Variants in EXOC6B observed in about 807,000 individuals in gnomAD.
The protein encoded by EXOC6B is exocyst complex component 6B.
In EXOC6B, 54 loss-of-function variants were observed where a neutral mutation model predicts 113.5. The ratio of observed to expected loss-of-function variants is 0.48; its 90% CI spans 0.38 to 0.60. The LOEUF (loss-of-function observed/expected upper bound fraction) is 0.60, where lower values mean the gene tolerates loss of function less well. Among genes scored for constraint, EXOC6B ranks in the 20% least tolerant of loss-of-function variants. The pLI, the probability that EXOC6B is intolerant of heterozygous loss-of-function variation, is 0.00. For missense variants in EXOC6B, 797 were observed against 977.5 expected (o/e 0.82, Z 2.46); for synonymous variants, 357 against 339.0 (o/e 1.05, Z -0.58).
chr2:72,284,490 C>CA (rs1201794584), intron 20 of EXOC6B, among the ~76,000 whole-genome samples: 1 of 151,932 alleles, frequency 6.6e-6, no homozygotes, highest in Non-Finnish European at 1.5e-5. Context: ...AGAACATCTA[C>CA]AAAAAACCTA....
intron 18 of EXOC6B, among the ~76,000 whole-genome samples, chr2:72,386,069 A>T (rs1332140911): frequency 6.6e-6 from 1 of 152,168 alleles, no homozygotes; most frequent in Non-Finnish European, 1.5e-5. Flanking sequence ...TGCCATGGTC[A>T]TTGGAGCATT....
At chr2:72,661,020 C>G (rs1268817524) in intron 6 of EXOC6B, among the ~76,000 whole-genome samples, 1 of 152,102 alleles carries the variant, frequency 6.6e-6, no homozygotes, top group Admixed American at 6.5e-5. Flanking sequence ...GTAGCAATCT[C>G]TAGGCAAAAG....
At chr2:72,289,415 T>C (rs1409683802) in intron 20 of EXOC6B, among the ~76,000 whole-genome samples, 1 of 152,148 alleles carries the variant, frequency 6.6e-6, no homozygotes, top group Non-Finnish European at 1.5e-5. Flanking sequence ...CTTGAGATCC[T>C]CTAAGTGAAT....
chr2:72,554,684 T>G (rs184320738), intron 8 of EXOC6B, among the ~76,000 whole-genome samples: 1 of 152,304 alleles, frequency 6.6e-6, no homozygotes, highest in East Asian at 1.9e-4. Flanking sequence ...TTACCCAGTC[T>G]CAGGTAGTGT....
rs1199327663 is a variant in EXOC6B, at chr2:72,825,332, T to C, written c.113+466A>G. ...GGCCTAGGATTTCCAGGGACTCGTT[T>C]CTGAGAAGTGGCTGTGATTCTGAGG... On this transcript the variant is annotated intron_variant, in intron 1 of 21. Coordinates refer to ENST00000272427, the MANE Select transcript of EXOC6B (RefSeq NM_015189.3). This position sits in a 1 kb window ranked among gnomAD's most constrained non-coding sequence, Gnocchi z 4.4. 1.3e-5 allele frequency among the ~76,000 whole-genome samples: 2 copies of C among 152,120 alleles called. No homozygotes were observed. Among genetic ancestry groups the C allele is most frequent in the Non-Finnish European group, 1.5e-5 (1 of 68,030 alleles).
chr2:72,646,387 C>T (rs1673716926), intron 6 of EXOC6B, among the ~76,000 whole-genome samples: 1 of 151,836 alleles, frequency 6.6e-6, no homozygotes, highest in Non-Finnish European at 1.5e-5. Flanking sequence ...GGTACCATCT[C>T]CTCTTTCCTT....
chr2:72,503,934 G>T (rs1340291445), intron 11 of EXOC6B, among the ~76,000 whole-genome samples: 1 of 151,904 alleles, frequency 6.6e-6, no homozygotes, highest in East Asian at 1.9e-4. Context: ...TTGAGACAGG[G>T]TCTCACTCTG....
intron 6 of EXOC6B, among the ~76,000 whole-genome samples, chr2:72,643,301 G>T (rs1364730877): frequency 6.7e-6 from 1 of 148,904 alleles, no homozygotes; most frequent in Admixed American, 6.7e-5. Context: ...CTGCTATAAA[G>T]ACACATGCAC....
At chr2:72,249,081 T>A (rs1426368281) in intron 20 of EXOC6B, among the ~76,000 whole-genome samples, 2 of 151,912 alleles carry the variant, frequency 1.3e-5, no homozygotes, top group East Asian at 3.9e-4. Flanking sequence ...CTGGGCAACA[T>A]AGTGAGAGCG....
At chr2:72,558,777 A>C (rs1026547503) in intron 8 of EXOC6B, among the ~76,000 whole-genome samples, 4 of 151,296 alleles carry the variant, frequency 2.6e-5, no homozygotes, top group African/African-American at 9.7e-5. Flanking sequence ...CTCAAAAAGA[A>C]AAAAAAAAGA....
intron 6 of EXOC6B, among the ~76,000 whole-genome samples, chr2:72,712,072 C>T (rs1679307405): frequency 6.6e-6 from 1 of 152,106 alleles, no homozygotes. Flanking sequence ...AAATGATTGA[C>T]CTTGTACATT....
chr2:72,449,966 T>C (rs937811408), intron 18 of EXOC6B, among the ~76,000 whole-genome samples: 1 of 152,212 alleles, frequency 6.6e-6, no homozygotes, highest in Non-Finnish European at 1.5e-5. Flanking sequence ...AACTTCTACT[T>C]TGTAGAACAA....
rs751384828 is a variant in EXOC6B, at chr2:72,179,321, T to C, written c.*14A>G. 6.3e-7 allele frequency: 1 copy of C among 1,589,990 alleles called. No individual in the cohort carries two copies. Among genetic ancestry groups the C allele is most frequent in the South Asian group, 1.2e-5 (1 of 86,724 alleles). On this transcript the variant is annotated 3_prime_UTR_variant, in exon 22 of 22. Transcript: ENST00000272427. ...GGCTGCAGCAGGTCGCCTCTGTGGG[T>C]CCGGGGTCACCCTTCATGAGTGGTG...
intron 20 of EXOC6B, among the ~76,000 whole-genome samples, chr2:72,216,933 T>G (rs1680573607): frequency 1.3e-5 from 2 of 150,490 alleles, no homozygotes; most frequent in Non-Finnish European, 3.0e-5. Context: ...GAGAGATACT[T>G]GGGAGGCTGA....
intron 6 of EXOC6B, among the ~76,000 whole-genome samples, chr2:72,640,029 G>T (rs1327923444): frequency 1.3e-5 from 2 of 152,060 alleles, no homozygotes. Flanking sequence ...TGGCTGAAAT[G>T]ACAAAAACAG....
At chr2:72,271,120 T>C (rs897827568) in intron 20 of EXOC6B, among the ~76,000 whole-genome samples, 3 of 152,128 alleles carry the variant, frequency 2.0e-5, no homozygotes, top group East Asian at 1.9e-4. Context: ...TCCTATTATG[T>C]TGAGAAACTG....
intron 20 of EXOC6B, among the ~76,000 whole-genome samples, chr2:72,278,030 T>C (rs1175063769): frequency 6.6e-6 from 1 of 152,138 alleles, no homozygotes; most frequent in Non-Finnish European, 1.5e-5. Context: ...TTGGCCTGTT[T>C]ATACGTTCTT....
chr2:72,272,956 T>C (rs746311946), intron 20 of EXOC6B, among the ~76,000 whole-genome samples: 5 of 152,138 alleles, frequency 3.3e-5, no homozygotes, highest in Admixed American at 6.6e-5. Flanking sequence ...AGACACTGCA[T>C]TAAGGAGAAA....
At chr2:72,688,120 G>A (rs1677218463) in intron 6 of EXOC6B, among the ~76,000 whole-genome samples, 1 of 152,146 alleles carries the variant, frequency 6.6e-6, no homozygotes, top group African/African-American at 2.4e-5. Flanking sequence ...GAATAACTTC[G>A]ATGGGAGTTG....
Sources: gnomAD v4.1 joint callset for allele counts (sites outside exome capture counted in the v4.1 genomes callset) on GRCh38, gnomAD v4.1.1 for gene constraint, Gnocchi (gnomAD v3.1) non-coding constraint, MANE v1.5 for transcripts, NCBI Gene and HGNC (gene_info 2026-07-23, HGNC 2026-07-21) for gene names.